The following BCAS3 variants were observed in gnomAD, a reference collection of about 807,000 sequenced individuals.
The protein encoded by BCAS3 is BCAS3 microtubule associated cell migration factor.
A neutral mutation model predicts 116.1 loss-of-function variants in BCAS3; 53 were observed. That is an observed-to-expected ratio of 0.46 (90% confidence interval 0.37 to 0.57). BCAS3 has a LOEUF of 0.57. BCAS3 is among the 20% of genes least tolerant of loss of function. BCAS3 has a pLI of 0.00. For missense variants in BCAS3, 917 were observed against 1,165.4 expected, an observed-to-expected ratio of 0.79 and a Z score of 3.10; for synonymous variants, 391 against 408.2, an observed-to-expected ratio of 0.96 and a Z score of 0.51.
chr17:60,741,350 T>C (rs1359032906), intron 5 of BCAS3, among the ~76,000 whole-genome samples: 1 of 152,246 alleles, frequency 6.6e-6, no homozygotes, highest in African/African-American at 2.4e-5. Flanking sequence ...AAGGACATTG[T>C]GTTGCTAGAA....
chr17:61,372,072 G>A (rs999293680), intron 23 of BCAS3, among the ~76,000 whole-genome samples: 13 of 152,148 alleles, frequency 8.5e-5, no homozygotes, highest in African/African-American at 3.1e-4. Flanking sequence ...ACTCCAATTC[G>A]AGCTCAATCC....
intron 19 of BCAS3, among the ~76,000 whole-genome samples, chr17:61,053,418 G>T (rs2069071241): frequency 6.6e-6 from 1 of 152,156 alleles, no homozygotes; most frequent in South Asian, 2.1e-4. Flanking sequence ...GCATGTTGCT[G>T]TTATCAACTC....
rs1025153158 is a variant in BCAS3, at chr17:61,140,976, A to G, written c.2425+56412A>G. Among the ~76,000 whole-genome samples, 2 of 152,010 alleles carry G rather than the reference A, an allele frequency of 1.3e-5. No individual in the cohort carries two copies. The highest frequency in any genetic ancestry group is 3.9e-4 in the East Asian group (2 of 5,178). On this transcript the variant is annotated intron_variant, in intron 22 of 23. Transcript: ENST00000407086. This position sits in a 1 kb window ranked among gnomAD's most constrained non-coding sequence, Gnocchi z 4.2. ...TTTCCCCCAAAAGTATAATAGTGAA[A>G]TGGGGCAGGCATGAAGCCCGTGAGA... is the stretch of plus-strand genomic sequence containing the variant.
rs925813339 is a variant in BCAS3, at chr17:61,346,524, G to C, written c.2426-21803G>C. 6.6e-6 allele frequency among the ~76,000 whole-genome samples: 1 copy of C among 152,134 alleles called. No individual in the cohort carries two copies. The highest frequency in any genetic ancestry group is 1.5e-5 in the Non-Finnish European group (1 of 68,034). On this transcript the variant is annotated intron_variant, in intron 22 of 23. Transcript: ENST00000407086. The surrounding 1 kb of genome is among the most constrained non-coding windows in gnomAD (Gnocchi z 5.4). The stretch of plus-strand genomic sequence containing the variant: ...CATTCAAGCATTGACTGTGTATCAG[G>C]TGCTGTGCTGAGCATGTTCATTGAA...
intron 22 of BCAS3, among the ~76,000 whole-genome samples, chr17:61,290,761 A>G (rs1023522232): frequency 2.0e-5 from 3 of 152,090 alleles, no homozygotes; most frequent in African/African-American, 7.2e-5. Flanking sequence ...TTGGGAGTAA[A>G]TGTGGTCAAG....
chr17:61,004,397 G>A lies in BCAS3; in HGVS notation c.1487-11354G>A, dbSNP rs1220620943. On this transcript the variant is annotated intron_variant, in intron 15 of 23. Transcript: ENST00000407086. This position sits in a 1 kb window ranked among gnomAD's most constrained non-coding sequence, Gnocchi z 4.8. Reference sequence around the variant, plus strand: ...TTTTTTTTTAATTTGGAGAAAAATTGGAGAGGGAGAAGAGAGTGAGTAGGC... The same window carrying A: ...TTTTTTTTTAATTTGGAGAAAAATTAGAGAGGGAGAAGAGAGTGAGTAGGC... Among the ~76,000 whole-genome samples the A allele has an allele frequency of 1.3e-5, 2 of 151,788 alleles. No individual in the cohort carries two copies. The highest frequency in any genetic ancestry group is 2.9e-5 in the Non-Finnish European group (2 of 67,946).
At chr17:60,831,649 T>C (rs180839551) in intron 7 of BCAS3, among the ~76,000 whole-genome samples, 2 of 152,204 alleles carry the variant, frequency 1.3e-5, no homozygotes, top group East Asian at 3.9e-4. Context: ...AATTAGAGCC[T>C]CCCTACGTGT....
intron 2 of BCAS3, 58 bp downstream of exon 2, chr17:60,679,598 A>G: frequency 7.2e-7 from 1 of 1,384,622 alleles, no homozygotes; most frequent in Non-Finnish European, 1.0e-6. Context: ...GAATACTAAC[A>G]TTTAGGTTTT....
intron 9 of BCAS3, among the ~76,000 whole-genome samples, chr17:60,882,636 A>T (rs2056278810): frequency 6.6e-6 from 1 of 150,984 alleles, no homozygotes; most frequent in Non-Finnish European, 1.5e-5. Flanking sequence ...TAAGGAAGGG[A>T]TCCAGTTTCA....
At chr17:61,091,388 G>A (rs1441890946) in intron 22 of BCAS3, among the ~76,000 whole-genome samples, 1 of 152,190 alleles carries the variant, frequency 6.6e-6, no homozygotes, top group African/African-American at 2.4e-5. Context: ...TCACACTATG[G>A]TGGCAGGGGG....
At chr17:60,786,420 G>T (rs987178405) in intron 6 of BCAS3, among the ~76,000 whole-genome samples, 1 of 151,994 alleles carries the variant, frequency 6.6e-6, no homozygotes, top group Non-Finnish European at 1.5e-5. Flanking sequence ...TACTCAGGAG[G>T]CTAAGGTAGG....
rs553379467 is a variant in BCAS3 at position 61,309,372 on chromosome 17, C to T, written c.2426-58955C>T. On this transcript the variant is annotated intron_variant, in intron 22 of 23. Transcript: ENST00000407086. The surrounding 1 kb of genome is among the most constrained non-coding windows in gnomAD (Gnocchi z 4.6). ...GACGGAACTGGTATGGGCAGATGAG[C>T]ATGCCTGAGTACTGAACACTACCGT... Among the ~76,000 whole-genome samples the T allele has an allele frequency of 1.3e-5, 2 of 152,040 alleles. No homozygotes were observed. The highest frequency in any genetic ancestry group is 4.8e-5 in the African/African-American group (2 of 41,390).
rs556533766 is a variant in BCAS3 at position 61,196,837 on chromosome 17, T to C, written c.2425+112273T>C. ...CAGAAAGCATATATGCTCTAAAGTA[T>C]AGTTTATATATAATGTCATGGTTAT... On this transcript the variant is annotated intron_variant, in intron 22 of 23. Coordinates refer to ENST00000407086, the MANE Select transcript of BCAS3 (RefSeq NM_017679.5). This position sits in a 1 kb window ranked among gnomAD's most constrained non-coding sequence, Gnocchi z 4.7. 2.9e-4 allele frequency among the ~76,000 whole-genome samples: 44 copies of C among 152,308 alleles called. No homozygotes were observed. Among genetic ancestry groups the C allele is most frequent in the African/African-American group, 9.4e-4 (39 of 41,556 alleles).
In BCAS3 at chr17:61,337,304, G is replaced by A. The variant is rs1482325411; in HGVS notation, c.2426-31023G>A. Among the ~76,000 whole-genome samples, 1 of 152,202 alleles carries A rather than the reference G, an allele frequency of 6.6e-6. No homozygotes were observed. Among genetic ancestry groups the A allele is most frequent in the African/African-American group, 2.4e-5 (1 of 41,448 alleles). On this transcript the variant is annotated intron_variant, in intron 22 of 23. Coordinates refer to ENST00000407086, the MANE Select transcript of BCAS3 (RefSeq NM_017679.5). The surrounding 1 kb of genome is among the most constrained non-coding windows in gnomAD (Gnocchi z 4.8). ...GAAGTTATTGGTGGAGAGCACTGGT[G>A]TTCCTGGCTAATGTGGGGTCTGTGA... is the stretch of plus-strand genomic sequence containing the variant.
At chr17:60,801,243 A>C (rs1286458247) in intron 6 of BCAS3, among the ~76,000 whole-genome samples, 3 of 152,166 alleles carry the variant, frequency 2.0e-5, no homozygotes, top group Non-Finnish European at 4.4e-5. Flanking sequence ...TTTATAGTTC[A>C]GTATTTAGAT....
At position 61,019,407 on chromosome 17, in the gene BCAS3, T is replaced by C. The variant is rs945745069; in HGVS notation, c.1637+3506T>C. 1.3e-5 allele frequency among the ~76,000 whole-genome samples: 2 copies of C among 152,236 alleles called. No individual in the cohort carries two copies. The highest frequency in any genetic ancestry group is 4.8e-5 in the African/African-American group (2 of 41,468). ...GAGTTTGTTGATTATACCTGGAAAC[T>C]ACTATTGACTTTTCTGATTGTTCTT... On this transcript the variant is annotated intron_variant, in intron 16 of 23. Transcript: ENST00000407086. The surrounding 1 kb of genome is among the most constrained non-coding windows in gnomAD (Gnocchi z 5.6).
At chr17:60,991,178 G>A (rs2063502528) in intron 15 of BCAS3, among the ~76,000 whole-genome samples, 1 of 151,910 alleles carries the variant, frequency 6.6e-6, no homozygotes, top group African/African-American at 2.4e-5. Flanking sequence ...AAACACTATT[G>A]TTTCCATTTT....
At chr17:60,701,193 G>A (rs369467778) in intron 4 of BCAS3, among the ~76,000 whole-genome samples, 3 of 151,270 alleles carry the variant, frequency 2.0e-5, no homozygotes, top group African/African-American at 7.3e-5. Context: ...GCAGTGAGCC[G>A]AGATCACACC....
chr17:61,367,014 G>A lies in BCAS3; in HGVS notation c.2426-1313G>A, dbSNP rs2058775786. ...ATGCTGTGGCCATTATCAGAGGCAG[G>A]ACCGCCTGCCGAGGCTGGGGCTCGC... is the stretch of plus-strand genomic sequence containing the variant. On this transcript the variant is annotated intron_variant, in intron 22 of 23. Transcript: ENST00000407086. The surrounding 1 kb of genome is among the most constrained non-coding windows in gnomAD (Gnocchi z 6.2). Among the ~76,000 whole-genome samples, 1 of 152,204 alleles carries A rather than the reference G, an allele frequency of 6.6e-6. No individual in the cohort carries two copies.
Sources: gnomAD v4.1 joint callset for allele counts (sites outside exome capture counted in the v4.1 genomes callset) on GRCh38, gnomAD v4.1.1 for gene constraint, Gnocchi (gnomAD v3.1) non-coding constraint, MANE v1.5 for transcripts, NCBI Gene and HGNC (gene_info 2026-07-23, HGNC 2026-07-21) for gene names.